WWOX: variants seen among roughly 807,000 people sequenced by gnomAD.
The protein encoded by WWOX is WW domain containing oxidoreductase.
A neutral mutation model predicts 46.2 loss-of-function variants in WWOX; 69 were observed. The observed-to-expected ratio is 1.49, with a 90% CI of 1.23 to 1.82. The LOEUF (loss-of-function observed/expected upper bound fraction) is 1.82. Among genes scored for constraint, WWOX ranks in the 40% most tolerant of loss-of-function variants. WWOX has a pLI of 0.00. For missense variants in WWOX, 919 were observed against 542.6 expected (o/e 1.69, Z -6.89); for synonymous variants, 359 against 202.6 (o/e 1.77, Z -6.56).
At chr16:78,222,711 G>C (rs1459862536) in intron 5 of WWOX, among the ~76,000 whole-genome samples, 1 of 152,158 alleles carries the variant, frequency 6.6e-6, no homozygotes, top group African/African-American at 2.4e-5. Context: ...TTTATACCTT[G>C]GGAGCTGGAA....
At chr16:78,442,966 C>CA (rs1213438946) in intron 8 of WWOX, among the ~76,000 whole-genome samples, 59 of 151,412 alleles carry the variant, frequency 3.9e-4, no homozygotes. Flanking sequence ...ACCAAAAATA[C>CA]AAAAAAATTA....
intron 5 of WWOX, among the ~76,000 whole-genome samples, chr16:78,362,880 C>A (rs1005339954): frequency 2.0e-4 from 30 of 152,172 alleles, no homozygotes; most frequent in Admixed American, 1.8e-3. Flanking sequence ...TCCGAAGTTG[C>A]TAAATGCGTA....
chr16:79,119,749 G>A (rs574948853), intron 8 of WWOX, among the ~76,000 whole-genome samples: 1 of 152,218 alleles, frequency 6.6e-6, no homozygotes, highest in African/African-American at 2.4e-5. Context: ...CATGATGGCA[G>A]TGGCTGGCTT....
intron 8 of WWOX, among the ~76,000 whole-genome samples, chr16:79,094,131 T>C (rs2049020447): frequency 6.6e-6 from 1 of 152,194 alleles, no homozygotes; most frequent in Non-Finnish European, 1.5e-5. Flanking sequence ...AGAAATACAA[T>C]TCCTCATTTA....
rs936941453 is a variant in WWOX at position 78,227,902 on chromosome 16, G to A, written c.516+63613G>A. Among the ~76,000 whole-genome samples the A allele has an allele frequency of 3.3e-5, 5 of 151,872 alleles. No homozygotes were observed. The South Asian group carries it at 6.3e-4, about 19-fold the overall frequency. On this transcript the variant is annotated intron_variant, in intron 5 of 8. Coordinates refer to ENST00000566780, the MANE Select transcript of WWOX (RefSeq NM_016373.4). ...AAAAACAAACAAAAAGAAACATACC[G>A]GGAGATCTGGTTCTATTGAACCCCA... is the stretch of plus-strand genomic sequence containing the variant.
At chr16:78,281,805 C>T (rs755720796) in intron 5 of WWOX, among the ~76,000 whole-genome samples, 7 of 152,094 alleles carry the variant, frequency 4.6e-5, no homozygotes, top group Admixed American at 1.3e-4. Context: ...TTTGGCCCAG[C>T]GGTTATAGTT....
chr16:79,101,230 T>C (rs1449617685), intron 8 of WWOX: 4 of 152,230 alleles, frequency 2.6e-5, no homozygotes, highest in Non-Finnish European at 5.9e-5. Context: ...AAGGTTTTTA[T>C]TCAAACATAT....
rs145812854 is a variant in WWOX, at chr16:78,776,361, T to G, written c.1056+343609T>G. On this transcript the variant is annotated intron_variant, in intron 8 of 8. Coordinates refer to ENST00000566780, the MANE Select transcript of WWOX (RefSeq NM_016373.4). ...TCGTGCGAAGCCCCTCTGCCTGGAG[T>G]CCTGCCTCTGTGACACTTGCTTACT... Among the ~76,000 whole-genome samples the G allele has an allele frequency of 3.3e-5, 5 of 152,034 alleles. No homozygotes were observed. In the East Asian group the frequency reaches 9.7e-4, roughly 29 times the overall value.
intron 8 of WWOX, among the ~76,000 whole-genome samples, chr16:78,860,056 C>A (rs1420302634): frequency 6.6e-6 from 1 of 152,080 alleles, no homozygotes; most frequent in Non-Finnish European, 1.5e-5. Context: ...AAAATTGTAA[C>A]AATTTTCTAG....
At chr16:79,093,413 A>T (rs951313376) in intron 8 of WWOX, among the ~76,000 whole-genome samples, 1 of 152,206 alleles carries the variant, frequency 6.6e-6, no homozygotes, top group African/African-American at 2.4e-5. Flanking sequence ...TCAGTGGCTT[A>T]TTGTGACCCA....
intron 8 of WWOX, among the ~76,000 whole-genome samples, chr16:79,108,471 G>C (rs142203476): frequency 1.3e-4 from 20 of 152,360 alleles, no homozygotes; most frequent in African/African-American, 4.6e-4. Context: ...GCAAGGTGCA[G>C]GTATGTTTGC....
intron 8 of WWOX, among the ~76,000 whole-genome samples, chr16:79,121,039 G>T (rs1177806001): frequency 6.6e-6 from 1 of 152,196 alleles, no homozygotes; most frequent in Non-Finnish European, 1.5e-5. Context: ...AAAGTGCTGG[G>T]ATTACAGGCG....
chr16:79,131,511 C>G (rs1054453412), intron 8 of WWOX, among the ~76,000 whole-genome samples: 1 of 152,060 alleles, frequency 6.6e-6, no homozygotes, highest in Non-Finnish European at 1.5e-5. Flanking sequence ...GTCCTAGTCC[C>G]AGGAAAGTTG....
At chr16:78,951,282 G>T (rs1049185347) in intron 8 of WWOX, among the ~76,000 whole-genome samples, 1 of 152,154 alleles carries the variant, frequency 6.6e-6, no homozygotes, top group African/African-American at 2.4e-5. Context: ...TGGCCAGCAT[G>T]CGCCCATAGC....
chr16:78,600,689 C>G (rs556818934), intron 8 of WWOX, among the ~76,000 whole-genome samples: 1 of 152,074 alleles, frequency 6.6e-6, no homozygotes, highest in African/African-American at 2.4e-5. Flanking sequence ...ATGAAACTGC[C>G]CTAGAACGAC....
At chr16:78,914,433 C>T (rs150832653) in intron 8 of WWOX, among the ~76,000 whole-genome samples, 31 of 152,140 alleles carry the variant, frequency 2.0e-4, no homozygotes, top group East Asian at 5.8e-4. Flanking sequence ...GCAGCTTGAA[C>T]GCTGTACTTT....
chr16:78,206,967 A>C (rs757476140), intron 5 of WWOX, among the ~76,000 whole-genome samples: 1 of 152,200 alleles, frequency 6.6e-6, no homozygotes, highest in Non-Finnish European at 1.5e-5. Flanking sequence ...TTTAATCTGC[A>C]TAGTGTTTCA....
chr16:78,100,362 C>T (rs1347301533), intron 1 of WWOX, among the ~76,000 whole-genome samples: 1 of 152,166 alleles, frequency 6.6e-6, no homozygotes, highest in Admixed American at 6.5e-5. Context: ...AGACAATCCT[C>T]TCATCTCAGC....
At chr16:78,175,273 CAGCTATGCCCA>C (rs980338602) in intron 5 of WWOX, among the ~76,000 whole-genome samples, 1 of 152,056 alleles carries the variant, frequency 6.6e-6, no homozygotes, top group Non-Finnish European at 1.5e-5. Context: ...GTGGAAGATG[CAGCTATGCCCA>C]AGGTTCTGAA....
Sources: allele counts gnomAD v4.1 joint callset (sites outside exome capture counted in the v4.1 genomes callset), GRCh38; gene constraint gnomAD v4.1.1; transcripts MANE v1.5; gene names NCBI Gene and HGNC (gene_info 2026-07-23, HGNC 2026-07-21).